The following DHRS9 variants were observed in gnomAD, a reference collection of about 807,000 sequenced individuals.
The protein encoded by DHRS9 is dehydrogenase/reductase 9.
DHRS9 carries 18 observed loss-of-function variants against 26.6 expected under a neutral mutation model. The observed-to-expected ratio is 0.68, with a 90% confidence interval of 0.47 to 1.00. DHRS9 has a LOEUF of 1.00. Among genes scored for constraint, DHRS9 ranks in the 50% least tolerant of loss-of-function variants. The pLI, the probability that DHRS9 is intolerant of heterozygous loss-of-function variation, is 0.00. For synonymous variants in DHRS9, 134 were observed against 141.1 expected, an observed-to-expected ratio of 0.95 and a Z score of 0.36; for missense variants, 425 against 378.7, an observed-to-expected ratio of 1.12 and a Z score of -1.01.
chr2:169,069,501 T>C, upstream of DHRS9: 1 of 985,420 alleles, frequency 1.0e-6, no homozygotes, highest in Non-Finnish European at 1.2e-6. Flanking sequence ...CATCACGTTG[T>C]GTCACAATGG....
intron 3 of DHRS9, 53 bp downstream of exon 3, chr2:169,083,640 A>G: frequency 6.3e-7 from 1 of 1,588,924 alleles, no homozygotes. Flanking sequence ...ACGTTTACTG[A>G]ATGCTTATGT....
At chr2:169,081,388 C>G in intron 1 of DHRS9, 135 bp from the exon 2 acceptor site, 1 of 1,189,318 alleles carries the variant, frequency 8.4e-7, no homozygotes, top group Non-Finnish European at 1.1e-6. Flanking sequence ...AACAAACAAC[C>G]AAATAAGAGT....
At chr2:169,079,983 G>GAGAA (rs1279888912) in intron 1 of DHRS9, among the ~76,000 whole-genome samples, 4,581 of 46,822 alleles carry the variant, frequency 0.098, 467 homozygotes, top group Middle Eastern at 0.11. Context: ...GAGAGAGAGA[G>GAGAA]AGAAAGAAAG....
chr2:169,078,298 C>T (rs1015011037), intron 1 of DHRS9, among the ~76,000 whole-genome samples: 1 of 152,084 alleles, frequency 6.6e-6, no homozygotes, highest in Non-Finnish European at 1.5e-5. Context: ...CGTGCATGCC[C>T]CTGGTAAAAA....
At chr2:169,088,163 A>C (rs1271144524) in intron 3 of DHRS9, among the ~76,000 whole-genome samples, 1 of 152,236 alleles carries the variant, frequency 6.6e-6, no homozygotes, top group African/African-American at 2.4e-5. Flanking sequence ...CTCAGGTTCC[A>C]GCTACTGAAA....
At chr2:169,091,153 G>A (rs757333418) in intron 3 of DHRS9, among the ~76,000 whole-genome samples, 1 of 151,702 alleles carries the variant, frequency 6.6e-6, no homozygotes. Flanking sequence ...TAAAGAAAGG[G>A]GCACCATGAT....
chr2:169,081,057 G>T, intron 1 of DHRS9: 1 of 835,882 alleles, frequency 1.2e-6, no homozygotes, highest in Non-Finnish European at 1.4e-6. Context: ...ACAGTTTGAA[G>T]ATAATTGGGA....
chr2:169,081,833 G>T lies in DHRS9; in HGVS notation c.252G>T (p.Val84=). ...GACTTCGTACTGTGCTTCTGGATGT[G>T]ACCGACCCAGAGAATGTCAAGAGGA... ...SERLRTVLLD[V]TDPENVKRTA... Residue 84 remains valine (V), a synonymous_variant, in exon 2 of 5, where the codon GTG becomes GTT. Transcript: ENST00000674881. 1 of 1,614,006 alleles carries T rather than the reference G, an allele frequency of 6.2e-7. No homozygotes were observed. Among genetic ancestry groups the T allele is most frequent in the South Asian group, 1.1e-5 (1 of 91,042 alleles).
At chr2:169,095,470 C>A (rs1684663785) in intron 4 of DHRS9, 74 bp from the exon 5 acceptor site, 3 of 1,168,276 alleles carry the variant, frequency 2.6e-6, no homozygotes, top group African/African-American at 3.0e-5. Flanking sequence ...TATCCATCCT[C>A]CCCTTTGCAC....
rs1177114521 is a variant in DHRS9, at chr2:169,083,550, T to C, written c.535T>C (p.Ser179Pro). The C allele has an allele frequency of 3.8e-5, 61 of 1,614,066 alleles. No individual in the cohort carries two copies. Among genetic ancestry groups the C allele is most frequent in the Non-Finnish European group, 5.0e-5 (59 of 1,179,988 alleles). ...LAIVGGGYTP[S>P]KYAVEGFNDS... ...AATCGTTGGAGGGGGCTATACTCCATCCAAATATGCAGTGGAAGGTTTCAA... is the reference window on the plus strand; with the variant it reads ...AATCGTTGGAGGGGGCTATACTCCACCCAAATATGCAGTGGAAGGTTTCAA... The change falls in exon 3 of 5, where the codon TCC (serine) becomes CCC (proline). Residue 179 changes from serine (S) to proline (P), a missense_variant. Physicochemically the swap from Ser to Pro is moderately conservative, Grantham distance 74. Transcript: ENST00000674881.
intron 3 of DHRS9, among the ~76,000 whole-genome samples, chr2:169,089,168 T>C (rs574958306): frequency 8.5e-5 from 13 of 152,290 alleles, no homozygotes; most frequent in Middle Eastern, 3.4e-3. Flanking sequence ...TCTCAAAGGA[T>C]ACAATCTAGG....
chr2:169,079,001 C>T (rs1033874885), intron 1 of DHRS9, among the ~76,000 whole-genome samples: 2 of 151,612 alleles, frequency 1.3e-5, no homozygotes, highest in African/African-American at 4.9e-5. Context: ...GCACCCTCCA[C>T]CACACCCAGC....
intron 3 of DHRS9, among the ~76,000 whole-genome samples, chr2:169,087,713 T>C (rs997091344): frequency 2.2e-4 from 33 of 152,162 alleles, no homozygotes; most frequent in Non-Finnish European, 1.5e-4. Context: ...TAATGAATTT[T>C]GCTAGGACTA....
intron 1 of DHRS9, among the ~76,000 whole-genome samples, chr2:169,071,713 T>C (rs1683809572): frequency 6.6e-6 from 1 of 152,140 alleles, no homozygotes; most frequent in Non-Finnish European, 1.5e-5. Flanking sequence ...TCTTCATCCA[T>C]TGAGTAAGGG....
intron 4 of DHRS9, among the ~76,000 whole-genome samples, 154 bp from the exon 5 acceptor site, chr2:169,095,390 C>A (rs979949048): frequency 1.3e-5 from 2 of 152,146 alleles, no homozygotes; most frequent in African/African-American, 4.8e-5. Context: ...ATATCATTTT[C>A]TGAGGAATAG....
intron 3 of DHRS9, among the ~76,000 whole-genome samples, chr2:169,087,571 G>A (rs1684392221): frequency 6.6e-6 from 1 of 151,918 alleles, no homozygotes; most frequent in African/African-American, 2.4e-5. Flanking sequence ...TCCCCCTATA[G>A]CCATCATAGC....
intron 4 of DHRS9, among the ~76,000 whole-genome samples, 181 bp downstream of exon 4, chr2:169,092,134 C>G (rs924694499): frequency 1.3e-5 from 2 of 152,210 alleles, no homozygotes; most frequent in African/African-American, 4.8e-5. Flanking sequence ...TAAACATTTA[C>G]TGAGCAATTA....
rs1684538158 is a variant in DHRS9, at chr2:169,091,840, T to G, written c.623T>G (p.Leu208Trp). Residue 208 changes from leucine to tryptophan, a missense_variant, in exon 4 of 5, where the codon TTG (leucine) becomes TGG (tryptophan). Physicochemically the swap from Leu to Trp is moderately conservative, Grantham distance 61. Transcript: ENST00000674881. ...CACGTCTCATGCATTGAACCAGGAT[T>G]GTTCAAAACAAACTTGGCAGATCCA... ...GVHVSCIEPG[L>W]FKTNLADPVK... 1 of 1,614,030 alleles carries G rather than the reference T, an allele frequency of 6.2e-7. No homozygotes were observed. Among genetic ancestry groups the G allele is most frequent in the South Asian group, 1.1e-5 (1 of 91,088 alleles).
intron 1 of DHRS9, chr2:169,070,398 T>G (rs1574016774): frequency 1.0e-6 from 1 of 985,402 alleles, no homozygotes; most frequent in Admixed American, 6.1e-5. Context: ...GTTTAGGAGG[T>G]GTGCTTCAAT....
Sources: allele counts gnomAD v4.1 joint callset (sites outside exome capture counted in the v4.1 genomes callset), GRCh38; gene constraint gnomAD v4.1.1; transcripts MANE v1.5; gene names NCBI Gene and HGNC (gene_info 2026-07-23, HGNC 2026-07-21).